Variants in ABL1 observed in about 807,000 individuals in gnomAD.
The protein encoded by ABL1 is ABL proto-oncogene 1, non-receptor tyrosine kinase.
Under a neutral mutation model 94.7 loss-of-function variants are expected in ABL1, and 11 were observed. The observed-to-expected ratio is 0.12, with a 90% CI of 0.07 to 0.19. The LOEUF (loss-of-function observed/expected upper bound fraction) is 0.19. Ranked by LOEUF, ABL1 falls within the 10% of genes least tolerant of loss-of-function variation. The probability of loss-of-function intolerance (pLI) is 1.00; values close to 1 mark genes in which losing one functional copy is unlikely to be tolerated. For synonymous variants in ABL1, 656 were observed against 622.4 expected, an observed-to-expected ratio of 1.05 and a Z score of -0.80; for missense variants, 1,082 against 1,489.4, an observed-to-expected ratio of 0.73 and a Z score of 4.50.
intron 1 of ABL1, among the ~76,000 whole-genome samples, chr9:130,739,444 T>TA (rs200386267): frequency 9.0e-5 from 13 of 144,410 alleles, no homozygotes; most frequent in Admixed American, 4.2e-4. Flanking sequence ...AATATAAATG[T>TA]AAAAAAAATT....
intron 1 of ABL1, among the ~76,000 whole-genome samples, chr9:130,754,661 A>G (rs1832019777): frequency 1.4e-5 from 2 of 139,168 alleles, no homozygotes; most frequent in Non-Finnish European, 3.0e-5. Flanking sequence ...AGATAATGAG[A>G]GCAATCAAGT....
chr9:130,730,462 T>C (rs1277431496), intron 1 of ABL1, among the ~76,000 whole-genome samples: 2 of 152,216 alleles, frequency 1.3e-5, no homozygotes, highest in Non-Finnish European at 2.9e-5. Flanking sequence ...TTACTGGCCA[T>C]TTGGAATATA....
chr9:130,879,151 A>G (rs1466363675), intron 8 of ABL1, among the ~76,000 whole-genome samples: 1 of 152,230 alleles, frequency 6.6e-6, no homozygotes, highest in Non-Finnish European at 1.5e-5. Flanking sequence ...TGCTGCGATT[A>G]CAGGCGTGAG....
intron 1 of ABL1, among the ~76,000 whole-genome samples, chr9:130,840,592 T>C (rs1830655935): frequency 6.6e-6 from 1 of 152,210 alleles, no homozygotes; most frequent in African/African-American, 2.4e-5. Context: ...TCCATAATGG[T>C]GGATCTTAAT....
chr9:130,812,282 G>C (rs141666998), intron 1 of ABL1, among the ~76,000 whole-genome samples: 1,630 of 151,044 alleles, frequency 0.011, 22 homozygotes, highest in South Asian at 0.062. Flanking sequence ...GATCACTTGA[G>C]CCCAGGAGTT....
intron 1 of ABL1, among the ~76,000 whole-genome samples, chr9:130,735,961 A>ATATATATATATATTT (rs573602038): frequency 2.5e-4 from 24 of 94,840 alleles, no homozygotes; most frequent in African/African-American, 1.4e-3. Context: ...ATATATATAT[A>ATATATATATATATTT]TTTTTTTTTT....
At chr9:130,838,663 T>G (rs1311972570) in intron 1 of ABL1, among the ~76,000 whole-genome samples, 2 of 152,250 alleles carry the variant, frequency 1.3e-5, no homozygotes. Context: ...CGCATTTAGC[T>G]TTGCAATATT....
chr9:130,828,656 G>A (rs968266616), intron 1 of ABL1, among the ~76,000 whole-genome samples: 6 of 152,210 alleles, frequency 3.9e-5, no homozygotes, highest in South Asian at 2.1e-4. Context: ...GTAGTGAGCC[G>A]AGACTGTGCC....
At chr9:130,866,516 C>T (rs754664561) in intron 4 of ABL1, among the ~76,000 whole-genome samples, 1 of 152,144 alleles carries the variant, frequency 6.6e-6, no homozygotes, top group Non-Finnish European at 1.5e-5. Context: ...TGTTTCCTAT[C>T]GCTGGCTTCT....
chr9:130,880,412 C>A lies in ABL1; in HGVS notation c.1514-88C>A. The A allele has an allele frequency of 6.7e-7, 1 of 1,488,832 alleles. No homozygotes were observed. The allele number at this position is 1,488,832 out of a possible 1,614,324, so 92.2% of individuals were successfully genotyped here. On this transcript the variant is annotated intron_variant, in intron 9 of 10. Coordinates refer to ENST00000318560, the MANE Select transcript of ABL1 (RefSeq NM_005157.6). This position sits in a 1 kb window ranked among gnomAD's most constrained non-coding sequence, Gnocchi z 4.4. ...AGTTGTATGCAGATGAGCACTGTTA[C>A]CTTACAAAGAAAGAGAACCACCACA...
At chr9:130,820,291 C>A (rs1339239457) in intron 1 of ABL1, among the ~76,000 whole-genome samples, 5 of 152,138 alleles carry the variant, frequency 3.3e-5, no homozygotes, top group African/African-American at 1.2e-4. Flanking sequence ...TAGTTGGGAA[C>A]TCTACAAATG....
In ABL1 at chr9:130,875,203, G is replaced by A. The variant is rs186752421; in HGVS notation, c.1270+151G>A. 178 of 830,966 alleles carry A rather than the reference G, an allele frequency of 2.1e-4. No individual in the cohort carries two copies. In the African/African-American group the frequency reaches 2.8e-3, roughly 13 times the overall value. The allele number at this position is 830,966 out of a possible 1,614,324, so 51.5% of individuals were successfully genotyped here. On this transcript the variant is annotated intron_variant, in intron 7 of 10. Coordinates refer to ENST00000318560, the MANE Select transcript of ABL1 (RefSeq NM_005157.6). ...GTCACCCAGGCTGGAGTGCAGTGGT[G>A]CAATCTTGGCTCATTGCAGCCTCTC...
intron 1 of ABL1, among the ~76,000 whole-genome samples, chr9:130,853,261 C>T (rs1331711883): frequency 5.4e-5 from 8 of 148,742 alleles, no homozygotes; most frequent in South Asian, 2.1e-4. Context: ...CTGCAACCTC[C>T]GCCTCCCAGG....
At chr9:130,718,978 TGTG>T (rs1258208377) in intron 1 of ABL1, among the ~76,000 whole-genome samples, 4 of 152,126 alleles carry the variant, frequency 2.6e-5, no homozygotes, top group Non-Finnish European at 5.9e-5. Flanking sequence ...ATGTCTGTGT[TGTG>T]GTGAGTAGAA....
chr9:130,764,042 G>A (rs138308389), intron 1 of ABL1, among the ~76,000 whole-genome samples: 1 of 152,334 alleles, frequency 6.6e-6, no homozygotes, highest in African/African-American at 2.4e-5. Context: ...GGGCCGCTGA[G>A]TGGGCGTTTG....
intron 3 of ABL1, among the ~76,000 whole-genome samples, chr9:130,857,816 G>A (rs140303812): frequency 1.1e-3 from 168 of 152,230 alleles, no homozygotes; most frequent in Admixed American, 4.7e-3. Flanking sequence ...TGTGCGTGAC[G>A]GACAAAAGAG....
chr9:130,725,945 C>T (rs1158990373), intron 1 of ABL1, among the ~76,000 whole-genome samples: 3 of 147,658 alleles, frequency 2.0e-5, no homozygotes, highest in Non-Finnish European at 3.0e-5. Context: ...ACCTCCCGGG[C>T]TCAGGCAGTC....
intron 1 of ABL1, among the ~76,000 whole-genome samples, chr9:130,754,984 C>T (rs1432983751): frequency 6.6e-6 from 1 of 152,050 alleles, no homozygotes. Context: ...CAAAGATGAC[C>T]TTGAGTACCA....
chr9:130,773,235 C>T (rs1196229768), intron 1 of ABL1, among the ~76,000 whole-genome samples: 1 of 152,156 alleles, frequency 6.6e-6, no homozygotes, highest in Non-Finnish European at 1.5e-5. Flanking sequence ...AGGAGAATCA[C>T]TTGAACCTGG....
Sources: allele counts gnomAD v4.1 joint callset (sites outside exome capture counted in the v4.1 genomes callset), GRCh38; gene constraint gnomAD v4.1.1; non-coding constraint Gnocchi (gnomAD v3.1); transcripts MANE v1.5; gene names NCBI Gene and HGNC (gene_info 2026-07-23, HGNC 2026-07-21).